The following ARMC3 variants were observed in gnomAD, a reference collection of about 807,000 sequenced individuals.
ARMC3 encodes the protein armadillo repeat-containing protein 3.
A neutral mutation model predicts 90.3 loss-of-function variants in ARMC3; 74 were observed. The observed-to-expected ratio is 0.82, with a 90% CI of 0.68 to 0.99. The LOEUF (loss-of-function observed/expected upper bound fraction) is 0.99. Among genes scored for constraint, ARMC3 ranks in the 50% least tolerant of loss-of-function variants. The pLI is 0.00. For missense variants in ARMC3, 958 were observed against 1,042.8 expected, an observed-to-expected ratio of 0.92 and a Z score of 1.12; for synonymous variants, 334 against 361.8, an observed-to-expected ratio of 0.92 and a Z score of 0.87.
chr10:22,983,017 A>G (rs1231654953), intron 10 of ARMC3, among the ~76,000 whole-genome samples: 1 of 152,230 alleles, frequency 6.6e-6, no homozygotes, highest in Non-Finnish European at 1.5e-5. Context: ...TCCTAAATTA[A>G]GGGTCATCAT....
chr10:22,944,154 C>T (rs1209674816), intron 2 of ARMC3, among the ~76,000 whole-genome samples: 1 of 152,146 alleles, frequency 6.6e-6, no homozygotes, highest in African/African-American at 2.4e-5. Context: ...GAATGACAAC[C>T]TAGCCAGACA....
At chr10:22,986,937 AAAG>A (rs1303421940) in intron 10 of ARMC3, among the ~76,000 whole-genome samples, 3 of 152,208 alleles carry the variant, frequency 2.0e-5, no homozygotes, top group African/African-American at 4.8e-5. Context: ...ATTAGCAGTG[AAAG>A]AAGGAGAAAG....
At position 22,946,050 on chromosome 10, in the gene ARMC3, G is replaced by A. The variant is rs2131186416; in HGVS notation, c.49-94G>A. On this transcript the variant is annotated intron_variant, in intron 2 of 18. Coordinates refer to ENST00000298032, the MANE Select transcript of ARMC3 (RefSeq NM_173081.5). ...GGCAGTGACCACATCCTTTTTGCAA[G>A]ATTACATTTTCTTTAAGTTTTAAGA... 10 of 896,632 alleles carry A rather than the reference G, an allele frequency of 1.1e-5. No homozygotes were observed. The East Asian group carries it at 2.1e-4, about 19-fold the overall frequency. The allele number at this position is 896,632 out of a possible 1,614,324, so 55.5% of individuals were successfully genotyped here.
intron 2 of ARMC3, among the ~76,000 whole-genome samples, chr10:22,935,917 T>C (rs1189907450): frequency 2.0e-5 from 3 of 152,192 alleles, no homozygotes; most frequent in African/African-American, 7.2e-5. Context: ...TGTTTATCTA[T>C]CTCTGTCTTT....
Position 22,992,452 on chromosome 10 carries a change from G to A in ARMC3, c.1176-5696G>A, listed in dbSNP as rs564154490. ...GGGGCATTTTTCTTATTTTGCTATA[G>A]ATGCAAACACATTTTTTTCCCTGTG... On this transcript the variant is annotated intron_variant, in intron 10 of 18. Coordinates refer to ENST00000298032, the MANE Select transcript of ARMC3 (RefSeq NM_173081.5). Among the ~76,000 whole-genome samples, 13 of 152,202 alleles carry A rather than the reference G, an allele frequency of 8.5e-5. No homozygotes were observed. The South Asian group carries it at 2.7e-3, about 32-fold the overall frequency.
Position 22,981,716 on chromosome 10 carries a change from C to A in ARMC3, c.1175+16C>A. Reference sequence around the variant, plus strand: ...CTAATGCAAAGTAAGTTCAGAGATCCTCACCCAGCACTGACTTGTGGGACA... The same window carrying A: ...CTAATGCAAAGTAAGTTCAGAGATCATCACCCAGCACTGACTTGTGGGACA... On this transcript the variant is annotated intron_variant, in intron 10 of 18. Coordinates refer to ENST00000298032, the MANE Select transcript of ARMC3 (RefSeq NM_173081.5). 2 of 1,595,498 alleles carry A rather than the reference C, an allele frequency of 1.3e-6. No individual in the cohort carries two copies. The highest frequency in any genetic ancestry group is 1.1e-5 in the South Asian group (1 of 89,836).
intron 8 of ARMC3, among the ~76,000 whole-genome samples, chr10:22,973,163 A>T (rs1835749605): frequency 1.3e-5 from 2 of 151,756 alleles, no homozygotes; most frequent in Non-Finnish European, 2.9e-5. Context: ...GCCATGCGTG[A>T]TGTTGTGCAC....
chr10:23,009,619 C>T (rs1005918065), intron 16 of ARMC3, among the ~76,000 whole-genome samples: 12 of 152,222 alleles, frequency 7.9e-5, no homozygotes, highest in African/African-American at 2.9e-4. Flanking sequence ...CTGCTTCAAC[C>T]TCCTAAGTAG....
intron 1 of ARMC3, among the ~76,000 whole-genome samples, 171 bp downstream of exon 1, chr10:22,928,277 G>A (rs1488278530): frequency 6.6e-6 from 1 of 152,170 alleles, no homozygotes; most frequent in East Asian, 1.9e-4. Context: ...CTTGGGGTGG[G>A]TTTCGTAAGC....
chr10:22,979,587 G>A (rs1009622022), intron 8 of ARMC3, among the ~76,000 whole-genome samples: 2 of 152,052 alleles, frequency 1.3e-5, no homozygotes, highest in Non-Finnish European at 2.9e-5. Flanking sequence ...ATGCTAAGAG[G>A]GTTCTGTTTA....
chr10:23,024,300 G>A (rs1374420318), intron 16 of ARMC3, among the ~76,000 whole-genome samples: 2 of 152,042 alleles, frequency 1.3e-5, no homozygotes, highest in Non-Finnish European at 2.9e-5. Flanking sequence ...ACAGTTAGCA[G>A]GCCTATCCTA....
At chr10:22,969,393 A>G (rs1480986349) in intron 8 of ARMC3, among the ~76,000 whole-genome samples, 1 of 152,182 alleles carries the variant, frequency 6.6e-6, no homozygotes, top group Non-Finnish European at 1.5e-5. Context: ...TGATGACAGC[A>G]TTGACTATTT....
At chr10:22,970,549 A>T (rs1012324707) in intron 8 of ARMC3, among the ~76,000 whole-genome samples, 2 of 152,252 alleles carry the variant, frequency 1.3e-5, no homozygotes, top group Non-Finnish European at 2.9e-5. Flanking sequence ...CTCGTGTTGC[A>T]AAGTGGAGAA....
rs1459154099 is a variant in ARMC3 at position 22,968,505 on chromosome 10, TTTTA to T, written c.916+24_916+27del. On this transcript the variant is annotated intron_variant, in intron 8 of 18. Coordinates refer to ENST00000298032, the MANE Select transcript of ARMC3 (RefSeq NM_173081.5). Reference sequence around the variant, plus strand: ...GCTTATGATCGTATGTCTCATTTTATTTTATTTATTTTGAGATAGGATCTTGCTC... The same window carrying T: ...GCTTATGATCGTATGTCTCATTTTATTTTATTTTGAGATAGGATCTTGCTC... 1.3e-6 allele frequency: 2 copies of T among 1,541,922 alleles called. No individual in the cohort carries two copies. Among genetic ancestry groups the T allele is most frequent in the South Asian group, 1.3e-5 (1 of 79,004 alleles).
At chr10:22,938,094 T>C (rs1564338469) in intron 2 of ARMC3, among the ~76,000 whole-genome samples, 1 of 152,176 alleles carries the variant, frequency 6.6e-6, no homozygotes, top group African/African-American at 2.4e-5. Context: ...GTAAGGAGTG[T>C]GATGGGGCCT....
rs545671838 is a variant in ARMC3 at position 22,991,372 on chromosome 10, G to A, written c.1176-6776G>A. Among the ~76,000 whole-genome samples the A allele has an allele frequency of 5.9e-5, 9 of 152,178 alleles. No homozygotes were observed. The South Asian group carries it at 1.2e-3, about 21-fold the overall frequency. On this transcript the variant is annotated intron_variant, in intron 10 of 18. Coordinates refer to ENST00000298032, the MANE Select transcript of ARMC3 (RefSeq NM_173081.5). ...TTCCACTGGGGGCCGGATGTGATCCGTCGGTACAGCTGTTATCATTTCACC... is the reference window on the plus strand; with the variant it reads ...TTCCACTGGGGGCCGGATGTGATCCATCGGTACAGCTGTTATCATTTCACC...
intron 4 of ARMC3, among the ~76,000 whole-genome samples, 198 bp downstream of exon 4, chr10:22,956,130 A>G (rs1193323932): frequency 6.6e-6 from 1 of 152,210 alleles, no homozygotes; most frequent in East Asian, 1.9e-4. Flanking sequence ...AACATGTGCA[A>G]GCACATCCAT....
intron 10 of ARMC3, among the ~76,000 whole-genome samples, chr10:22,996,165 C>T (rs191492586): frequency 1.8e-4 from 28 of 152,164 alleles, no homozygotes; most frequent in African/African-American, 6.5e-4. Context: ...AACATTTTTG[C>T]TGGCAGTTGT....
At chr10:23,008,503 G>A (rs1306297572) in intron 15 of ARMC3, 129 bp downstream of exon 15, 4 of 649,308 alleles carry the variant, frequency 6.2e-6, no homozygotes, top group African/African-American at 3.7e-5. Flanking sequence ...TTGCATAATT[G>A]CCTTTTACAT....
Sources: allele counts gnomAD v4.1 joint callset (sites outside exome capture counted in the v4.1 genomes callset), GRCh38; gene constraint gnomAD v4.1.1; transcripts MANE v1.5; gene names NCBI Gene and HGNC (gene_info 2026-07-23, HGNC 2026-07-21).